Variants in GOLGA2 observed in about 807,000 individuals in gnomAD.
GOLGA2 encodes the protein golgin A2, also known as golgin subfamily A member 2.
Under a neutral mutation model 148.8 loss-of-function variants are expected in GOLGA2, and 49 were observed. The ratio of observed to expected loss-of-function variants is 0.33; its 90% CI spans 0.26 to 0.42. GOLGA2 has a LOEUF of 0.42. Ranked by LOEUF, GOLGA2 falls within the 10% of genes least tolerant of loss-of-function variation. The probability of loss-of-function intolerance (pLI) is 1.00; values close to 1 mark genes in which losing one functional copy is unlikely to be tolerated. For synonymous variants in GOLGA2, 501 were observed against 511.8 expected (o/e 0.98, Z 0.28); for missense variants, 1,178 against 1,304.6 (o/e 0.90, Z 1.49).
intron 2 of GOLGA2, 169 bp downstream of exon 2, chr9:128,273,681 C>G: frequency 1.3e-6 from 1 of 773,982 alleles, no homozygotes; most frequent in Non-Finnish European, 2.1e-6. Flanking sequence ...AAGAGAGGCC[C>G]AAAAAGCTCA....
At chr9:128,262,879 C>T (rs1830358218) in intron 13 of GOLGA2, 155 bp downstream of exon 13, 1 of 802,380 alleles carries the variant, frequency 1.2e-6, no homozygotes, top group African/African-American at 1.7e-5. Context: ...AAGGCTACAC[C>T]ATGAGTCAGT....
intron 5 of GOLGA2, 27 bp from the exon 6 acceptor site, chr9:128,268,024 G>A (rs993864058): frequency 2.5e-6 from 4 of 1,610,112 alleles, no homozygotes; most frequent in Non-Finnish European, 2.5e-6. Flanking sequence ...AGGGGTCAGG[G>A]GTGCAGGTGG....
rs749447112 is a variant in GOLGA2 at position 128,262,545 on chromosome 9, G to A, written c.1134+18C>T. 2 of 1,611,686 alleles carry A rather than the reference G, an allele frequency of 1.2e-6. No individual in the cohort carries two copies. The highest frequency in any genetic ancestry group is 1.7e-5 in the Admixed American group (1 of 59,884). On this transcript the variant is annotated intron_variant, in intron 14 of 26. Coordinates refer to ENST00000611957, the MANE Select transcript of GOLGA2 (RefSeq NM_001366244.2). ...GCTGGATGGCGCTCCCACCACCCAT[G>A]GGGCTGCAGCCTCTTGCCTGTTGAA...
Position 128,261,459 on chromosome 9 carries a change from C to T in GOLGA2, c.1327G>A (p.Glu443Lys). The T allele has an allele frequency of 1.3e-6, 2 of 1,578,800 alleles. No homozygotes were observed. The highest frequency in any genetic ancestry group is 1.1e-5 in the South Asian group (1 of 90,362). The change falls in exon 16 of 27, where the codon GAG becomes AAG. Residue 443 changes from glutamate (E) to lysine (K), a missense_variant. This residue lies in a region of GOLGA2 where 304 missense variants were observed against 404.1 expected (regional missense o/e 0.75). Coordinates refer to ENST00000611957, the MANE Select transcript of GOLGA2 (RefSeq NM_001366244.2). This position sits in a 1 kb window ranked among gnomAD's most constrained non-coding sequence, Gnocchi z 5.7. Reference protein sequence around the residue: ...MWRQRMQQMSEQVHTLREEKE... With the variant: ...MWRQRMQQMSKQVHTLREEKE... ...GCTGAAGGGTCAGGTCTCACCTGCT[C>T]TGACATCTGCTGCATCCTCTGCCGC...
chr9:128,259,424 G>A, intron 19 of GOLGA2, 33 bp from the exon 20 acceptor site: 1 of 1,377,132 alleles, frequency 7.3e-7, no homozygotes, highest in Non-Finnish European at 1.0e-6. Flanking sequence ...AGGGCAGGTG[G>A]TGGCCTGCTT....
chr9:128,271,533 C>A lies in GOLGA2; in HGVS notation c.288+1252G>T, dbSNP rs118045300. ...CTGTGTACCTCCATGCCCTGCCCCC[C>A]ACCAGGCTCCCTGTGTTCCTGAAAG... On this transcript the variant is annotated intron_variant, in intron 3 of 26. Transcript: ENST00000611957. This position sits in a 1 kb window ranked among gnomAD's most constrained non-coding sequence, Gnocchi z 4.4. 2.0e-3 allele frequency among the ~76,000 whole-genome samples: 302 copies of A among 152,332 alleles called. 2 individuals carry two copies. The highest frequency in any genetic ancestry group is 3.3e-3 in the Non-Finnish European group (223 of 68,034).
At chr9:128,267,904 C>G in intron 6 of GOLGA2, 30 bp downstream of exon 6, 2 of 1,555,006 alleles carry the variant, frequency 1.3e-6, no homozygotes, top group South Asian at 1.1e-5. Context: ...CTTCCCCCCA[C>G]CCCGCTCTCG....
At chr9:128,263,639 C>T (rs1481528488) in intron 12 of GOLGA2, among the ~76,000 whole-genome samples, 4 of 151,814 alleles carry the variant, frequency 2.6e-5, no homozygotes, top group Non-Finnish European at 4.4e-5. Context: ...AGGATGGTCT[C>T]GATCTCCTGA....
intron 14 of GOLGA2, 75 bp downstream of exon 14, chr9:128,262,488 A>G: frequency 1.4e-6 from 2 of 1,436,382 alleles, no homozygotes; most frequent in South Asian, 2.6e-5. Context: ...GAGTCTCCCC[A>G]TGCCCTGCAT....
At position 128,260,053 on chromosome 9, in the gene GOLGA2, C is replaced by T; in HGVS notation, c.1872+23G>A. The T allele has an allele frequency of 1.3e-6, 2 of 1,549,692 alleles. No homozygotes were observed. The highest frequency in any genetic ancestry group is 1.8e-6 in the Non-Finnish European group (2 of 1,128,062). ...AGAGGCTGGTGCCCGCCTCCCAGCC[C>T]TTCTTGGATGGGGCGGGGTTACCGT... On this transcript the variant is annotated intron_variant, in intron 19 of 26. Transcript: ENST00000611957. This position sits in a 1 kb window ranked among gnomAD's most constrained non-coding sequence, Gnocchi z 4.8.
In GOLGA2 at chr9:128,261,625, TG is replaced by T. The variant is rs1380800972; in HGVS notation, c.1224+42del. 2 of 1,524,302 alleles carry T rather than the reference TG, an allele frequency of 1.3e-6. No homozygotes were observed. Among genetic ancestry groups the T allele is most frequent in the Non-Finnish European group, 1.8e-6 (2 of 1,098,096 alleles). The allele number at this position is 1,524,302 out of a possible 1,614,324, so 94.4% of individuals were successfully genotyped here. A position where few individuals can be genotyped will look rare whatever the true frequency, so the allele number is the denominator to read the frequency against. On this transcript the variant is annotated intron_variant, in intron 15 of 26. Transcript: ENST00000611957. The surrounding 1 kb of genome is among the most constrained non-coding windows in gnomAD (Gnocchi z 5.7). ...TGGTTGTCACCTACTCCTGGCCACC[TG>T]GGGTCATCTTCCTTCTACATCCCTC...
Position 128,260,923 on chromosome 9 carries a change from T to C in GOLGA2, c.1421-121A>G. ...CTGCTGATGATTCCTCGCACCCGGA[T>C]GTTAGCCAATCTTCCAAACCACTTT... On this transcript the variant is annotated intron_variant, in intron 17 of 26. Coordinates refer to ENST00000611957, the MANE Select transcript of GOLGA2 (RefSeq NM_001366244.2). The surrounding 1 kb of genome is among the most constrained non-coding windows in gnomAD (Gnocchi z 4.8). 2 of 735,190 alleles carry C rather than the reference T, an allele frequency of 2.7e-6. No homozygotes were observed. Among genetic ancestry groups the C allele is most frequent in the Non-Finnish European group, 4.5e-6 (2 of 448,528 alleles). 45.5% of individuals were successfully genotyped at this position (735,190 alleles called of 1,614,324 possible).
chr9:128,269,659 G>A (rs1338106209), intron 3 of GOLGA2, among the ~76,000 whole-genome samples: 1 of 152,164 alleles, frequency 6.6e-6, no homozygotes, highest in Admixed American at 6.5e-5. Context: ...TATCTGACAA[G>A]CCAGATGGGC....
intron 3 of GOLGA2, among the ~76,000 whole-genome samples, chr9:128,272,053 A>AC: frequency 6.6e-6 from 1 of 151,668 alleles, no homozygotes; most frequent in East Asian, 1.9e-4. Context: ...AAAAAAAAAA[A>AC]AAACACTAAC....
chr9:128,256,932 G>T lies in GOLGA2; in HGVS notation c.*135C>A. 1 of 685,218 alleles carries T rather than the reference G, an allele frequency of 1.5e-6. No homozygotes were observed. Among genetic ancestry groups the T allele is most frequent in the Non-Finnish European group, 2.6e-6 (1 of 387,592 alleles). The allele number at this position is 685,218 out of a possible 1,614,324, so 42.4% of individuals were successfully genotyped here. On this transcript the variant is annotated 3_prime_UTR_variant, in exon 27 of 27. Transcript: ENST00000611957. ...AGTGATCTTCACCTCATCTGCACCT[G>T]TCTACCCCCGTTAGACAGGGGTCTA...
Position 128,257,890 on chromosome 9 carries a change from G to A in GOLGA2, c.2511C>T (p.Ser837=). The A allele has an allele frequency of 1.2e-6, 2 of 1,613,856 alleles. No individual in the cohort carries two copies. The highest frequency in any genetic ancestry group is 1.7e-6 in the Non-Finnish European group (2 of 1,179,780). ...TCTCCTGCATGAGCTCCATAAAGCG[G>A]CTCTGGAACCAAAATAATGGAGTCA... ...ALQGAMEKLQ[S]RFMELMQEKA... The change falls in exon 24 of 27, where the codon AGC becomes AGT. Residue 837 remains serine (S), a splice_region_variant and synonymous_variant. Coordinates refer to ENST00000611957, the MANE Select transcript of GOLGA2 (RefSeq NM_001366244.2). The surrounding 1 kb of genome is among the most constrained non-coding windows in gnomAD (Gnocchi z 8.0).
At chr9:128,259,134 C>T (rs748452527) in intron 20 of GOLGA2, 33 bp downstream of exon 20, 3 of 1,599,038 alleles carry the variant, frequency 1.9e-6, no homozygotes, top group Admixed American at 3.3e-5. Context: ...CAGGTTGTCC[C>T]CCTCGGGGCC....
chr9:128,264,912 T>C (rs1305269399), intron 12 of GOLGA2, among the ~76,000 whole-genome samples: 1 of 152,214 alleles, frequency 6.6e-6, no homozygotes, highest in Non-Finnish European at 1.5e-5. Context: ...CTCTATTTTG[T>C]AGATGGACAA....
chr9:128,272,839 C>T lies in GOLGA2; in HGVS notation c.234G>A (p.Val78=). 1.6e-6 allele frequency: 2 copies of T among 1,280,706 alleles called. No individual in the cohort carries two copies. Among genetic ancestry groups the T allele is most frequent in the Non-Finnish European group, 2.0e-6 (2 of 982,860 alleles). The allele number at this position is 1,280,706 out of a possible 1,614,324, so 79.3% of individuals were successfully genotyped here. The change falls in exon 3 of 27, where the codon GTG becomes GTA. Residue 78 remains valine, a synonymous_variant. Coordinates refer to ENST00000611957, the MANE Select transcript of GOLGA2 (RefSeq NM_001366244.2). ...EDIQDILKVL[V]SDLNRSNGVA... ...CCCCATTGGAACGGTTAAGGTCGGA[C>T]ACCAGCACCTTCAGAATGTCCTGAA... is the stretch of plus-strand genomic sequence containing the variant.
Sources: gnomAD v4.1 joint callset for allele counts (sites outside exome capture counted in the v4.1 genomes callset) on GRCh38, gnomAD v4.1.1 for gene constraint, gnomAD v4.1.1 regional missense constraint, Gnocchi (gnomAD v3.1) non-coding constraint, MANE v1.5 for transcripts, NCBI Gene and HGNC (gene_info 2026-07-23, HGNC 2026-07-21) for gene names.